ACSL4: variants seen among roughly 807,000 people sequenced by gnomAD.
ACSL4 encodes the protein acyl-CoA synthetase long chain family member 4, also known as long-chain-fatty-acid--CoA ligase 4.
ACSL4 carries 9 observed loss-of-function variants against 49.1 expected under a neutral mutation model. That is an observed-to-expected ratio of 0.18 (90% CI 0.11 to 0.32). The LOEUF is 0.32. Ranked by LOEUF, ACSL4 falls within the 10% of genes least tolerant of loss-of-function variation. ACSL4 has a pLI of 1.00. For synonymous variants in ACSL4, 191 were observed against 170.3 expected (o/e 1.12, Z -0.95); for missense variants, 333 against 493.7 (o/e 0.67, Z 3.08).
chrX:109,675,836 G>T (rs1923633083), intron 8 of ACSL4, among the ~76,000 whole-genome samples: 4 of 112,169 alleles, frequency 3.6e-5, no homozygotes, highest in Admixed American at 1.9e-4. Context: ...CTTATTGATA[G>T]GTCTACTTTG....
chrX:109,659,382 C>T lies in ACSL4; in HGVS notation c.1827G>A (p.Leu609=). Residue 609 remains leucine, a synonymous_variant, in exon 15 of 16, where the codon CTG becomes CTA. Coordinates refer to ENST00000672401, the MANE Select transcript of ACSL4 (RefSeq NM_001318510.2). ...CNNPAMEAEI[L]KEIREAANAM... is the part of the protein sequence containing the mutation. ...CATTTGCAGCTTCTCGAATTTCTTT[C>T]AGTATTTCAGCTTCCATAGCAGGAT... 8.3e-7 allele frequency: 1 copy of T among 1,209,796 alleles called. No individual in the cohort carries two copies. The highest frequency in any genetic ancestry group is 3.0e-5 in the East Asian group (1 of 33,774).
At chrX:109,650,054 T>C (rs1411018795) in intron 15 of ACSL4, among the ~76,000 whole-genome samples, 1 of 111,194 alleles carries the variant, frequency 9.0e-6, no homozygotes, top group African/African-American at 3.3e-5. Context: ...TGTCGAGAAA[T>C]AGGGACACTT....
intron 1 of ACSL4, among the ~76,000 whole-genome samples, chrX:109,696,665 A>G (rs1320782933): frequency 1.8e-5 from 2 of 112,658 alleles, no homozygotes; most frequent in African/African-American, 6.5e-5. Flanking sequence ...TACAAATATG[A>G]CACTGGTCTA....
chrX:109,644,257 G>T, intron 15 of ACSL4, 71 bp from the exon 16 acceptor site: 1 of 960,208 alleles, frequency 1.0e-6, no homozygotes, highest in Non-Finnish European at 1.4e-6. Context: ...TGGGGACGGG[G>T]AAAGAAGGGG....
chrX:109,655,166 G>T (rs1921525742), intron 15 of ACSL4, among the ~76,000 whole-genome samples: 3 of 111,701 alleles, frequency 2.7e-5, no homozygotes, highest in South Asian at 7.4e-4. Context: ...CCTGAATATG[G>T]ACATACAAGG....
At chrX:109,663,077 A>T in intron 13 of ACSL4, 134 bp downstream of exon 13, 1 of 558,502 alleles carries the variant, frequency 1.8e-6, no homozygotes, top group Non-Finnish European at 2.8e-6. Context: ...AGAAGCTCAT[A>T]CATAAGTTAA....
Position 109,681,095 on chromosome X carries a change from A to G in ACSL4, c.558T>C (p.Tyr186=), listed in dbSNP as rs779226612. ...CTTTATTGATAGCCTTATTGTCCAC[A>G]TAAATGATATGTTTAACACAACTGA... ...LDISCVKHII[Y]VDNKAINKAE... is the part of the protein sequence containing the mutation. The change falls in exon 6 of 16, where the codon TAT becomes TAC. Residue 186 remains tyrosine (Y), a synonymous_variant. Coordinates refer to ENST00000672401, the MANE Select transcript of ACSL4 (RefSeq NM_001318510.2). The G allele has an allele frequency of 8.3e-7, 1 of 1,210,511 alleles. No individual in the cohort carries two copies. The highest frequency in any genetic ancestry group is 3.0e-5 in the East Asian group (1 of 33,821).
chrX:109,721,850 C>T (rs745400409), intron 1 of ACSL4, among the ~76,000 whole-genome samples: 1 of 112,239 alleles, frequency 8.9e-6, no homozygotes, highest in East Asian at 2.8e-4. Flanking sequence ...TTCAATGCCT[C>T]TGTAAAAGTT....
In ACSL4 at chrX:109,645,947, T is replaced by C. The variant is rs192245068; in HGVS notation, c.1856-1761A>G. On this transcript the variant is annotated intron_variant, in intron 15 of 15. Coordinates refer to ENST00000672401, the MANE Select transcript of ACSL4 (RefSeq NM_001318510.2). ...ATGATGGAAGATGAAATGAATGAAA[T>C]GGAGTGAGAAGGAAGTTTAGAGAAA... Among the ~76,000 whole-genome samples, 569 of 110,930 alleles carry C rather than the reference T, an allele frequency of 5.1e-3. 2 individuals carry two copies. The highest frequency in any genetic ancestry group is 0.016 in the African/African-American group (499 of 30,498).
intron 15 of ACSL4, among the ~76,000 whole-genome samples, chrX:109,647,872 AC>A (rs1934801411): frequency 9.0e-6 from 1 of 111,462 alleles, no homozygotes; most frequent in South Asian, 3.8e-4. Context: ...AATACAAACT[AC>A]CATCAGAGAA....
Position 109,701,098 on chromosome X carries a change from C to T in ACSL4, c.-65-4902G>A, listed in dbSNP as rs1420231453. On this transcript the variant is annotated intron_variant, in intron 1 of 15. Coordinates refer to ENST00000672401, the MANE Select transcript of ACSL4 (RefSeq NM_001318510.2). ...ATAAAATAAAAATATTCAAACATTA[C>T]AAAATATATTAAATGAAGTGAAAGT... Among the ~76,000 whole-genome samples the T allele has an allele frequency of 2.7e-5, 3 of 112,088 alleles. No homozygotes were observed. The East Asian group carries it at 8.4e-4, about 31-fold the overall frequency.
intron 2 of ACSL4, among the ~76,000 whole-genome samples, chrX:109,688,804 C>G (rs922515900): frequency 2.7e-5 from 3 of 110,585 alleles, no homozygotes; most frequent in African/African-American, 9.9e-5. Flanking sequence ...TCCTACTTCC[C>G]TGGCTATTCC....
chrX:109,673,167 A>G (rs1043957760), intron 9 of ACSL4, among the ~76,000 whole-genome samples: 3 of 111,815 alleles, frequency 2.7e-5, no homozygotes, highest in African/African-American at 9.7e-5. Context: ...ACCTCTTCCT[A>G]TGTTATCTGA....
chrX:109,643,528 C>T lies in ACSL4; in HGVS notation c.*501G>A, dbSNP rs1934511062. 1 of 118,943 alleles carries T rather than the reference C, an allele frequency of 8.4e-6. No homozygotes were observed. The highest frequency in any genetic ancestry group is 3.3e-5 in the African/African-American group (1 of 30,767). The allele number at this position is 118,943 out of a possible 1,213,427, so 9.8% of individuals were successfully genotyped here. On this transcript the variant is annotated 3_prime_UTR_variant, in exon 16 of 16. Coordinates refer to ENST00000672401, the MANE Select transcript of ACSL4 (RefSeq NM_001318510.2). ...TTATTTGATTTTGTGTATTATATTA[C>T]TATTGAATTTTTCCTTCAAGATAAA...
rs1255639220 is a variant in ACSL4, at chrX:109,642,759, T to C, written c.*1270A>G. 1 of 111,559 alleles carries C rather than the reference T, an allele frequency of 9.0e-6. No individual in the cohort carries two copies. Among genetic ancestry groups the C allele is most frequent in the Admixed American group, 9.6e-5 (1 of 10,385 alleles). 9.2% of individuals were successfully genotyped at this position (111,559 alleles called of 1,213,427 possible). A position where few individuals can be genotyped will look rare whatever the true frequency, so the allele number is the denominator to read the frequency against. The stretch of plus-strand genomic sequence containing the variant: ...TTCAAAAAGAAACCACACTCCCAAG[T>C]TACTGCACAAACATCAGTCCCTTAT... On this transcript the variant is annotated 3_prime_UTR_variant, in exon 16 of 16. Coordinates refer to ENST00000672401, the MANE Select transcript of ACSL4 (RefSeq NM_001318510.2).
intron 1 of ACSL4, among the ~76,000 whole-genome samples, chrX:109,709,508 C>T (rs1339996314): frequency 8.9e-6 from 1 of 112,431 alleles, no homozygotes; most frequent in Non-Finnish European, 1.9e-5. Context: ...CGAAATGTTT[C>T]GAGCAGTGGT....
At chrX:109,712,611 G>A (rs897716761) in intron 1 of ACSL4, among the ~76,000 whole-genome samples, 7 of 112,245 alleles carry the variant, frequency 6.2e-5, no homozygotes, top group Middle Eastern at 9.2e-3. Context: ...AATGAAGCTC[G>A]TAAGTGCCAG....
In ACSL4 at chrX:109,696,195, A is replaced by G. The variant is rs1415366677; in HGVS notation, c.-64T>C. The stretch of plus-strand genomic sequence containing the variant: ...AACACGAATATCTTCTGTGATTTCA[A>G]TCTGCAGTAAGAGACAGCATTTATG... On this transcript the variant is annotated splice_region_variant and 5_prime_UTR_variant, in exon 2 of 16. Coordinates refer to ENST00000672401, the MANE Select transcript of ACSL4 (RefSeq NM_001318510.2). The G allele has an allele frequency of 8.9e-6, 1 of 112,526 alleles. No individual in the cohort carries two copies. The highest frequency in any genetic ancestry group is 1.9e-5 in the Non-Finnish European group (1 of 53,324). 9.3% of individuals were successfully genotyped at this position (112,526 alleles called of 1,213,427 possible).
chrX:109,660,164 T>G (rs1029122315), intron 14 of ACSL4, among the ~76,000 whole-genome samples: 1 of 104,809 alleles, frequency 9.5e-6, no homozygotes, highest in Non-Finnish European at 1.9e-5. Flanking sequence ...ATCTATGGAA[T>G]AGAAAAAAAA....
Sources: allele counts gnomAD v4.1 joint callset (sites outside exome capture counted in the v4.1 genomes callset), GRCh38; gene constraint gnomAD v4.1.1; transcripts MANE v1.5; gene names NCBI Gene and HGNC (gene_info 2026-07-23, HGNC 2026-07-21).